The following AGBL1 variants were observed in gnomAD, a reference collection of about 807,000 sequenced individuals.
AGBL1 encodes AGBL carboxypeptidase 1.
AGBL1 carries 130 observed loss-of-function variants against 118.9 expected under a neutral mutation model. That is an observed-to-expected ratio of 1.09 (90% confidence interval 0.95 to 1.26). The LOEUF (loss-of-function observed/expected upper bound fraction) is 1.26, where lower values mean the gene tolerates loss of function less well. Among genes scored for constraint, AGBL1 ranks in the 50% most tolerant of loss-of-function variants. AGBL1 has a pLI of 0.00. For missense variants in AGBL1, 1,584 were observed against 1,298.1 expected, an observed-to-expected ratio of 1.22 and a Z score of -3.38; for synonymous variants, 555 against 478.9, an observed-to-expected ratio of 1.16 and a Z score of -2.08.
At chr15:86,492,463 A>C (rs2082793833) in intron 18 of AGBL1, among the ~76,000 whole-genome samples, 1 of 151,880 alleles carries the variant, frequency 6.6e-6, no homozygotes, top group South Asian at 2.1e-4. Context: ...GGTGATGTGC[A>C]TCTGTAATCC....
intron 18 of AGBL1, among the ~76,000 whole-genome samples, chr15:86,479,030 A>C (rs966162286): frequency 2.0e-5 from 3 of 152,238 alleles, no homozygotes; most frequent in African/African-American, 7.2e-5. Context: ...GGCTAGCCAC[A>C]TGTAGAAAGC....
intron 16 of AGBL1, among the ~76,000 whole-genome samples, chr15:86,292,873 C>A (rs771391423): frequency 6.6e-6 from 1 of 151,992 alleles, no homozygotes; most frequent in Non-Finnish European, 1.5e-5. Flanking sequence ...TTCTGTCTTC[C>A]CAGAGCAGTA....
chr15:86,775,312 TG>T (rs1472296100), intron 22 of AGBL1, among the ~76,000 whole-genome samples: 1 of 152,138 alleles, frequency 6.6e-6, no homozygotes, highest in Admixed American at 6.6e-5. Flanking sequence ...TGAGAAACCC[TG>T]GGACACTATG....
At chr15:86,503,534 T>C (rs979190314) in intron 18 of AGBL1, among the ~76,000 whole-genome samples, 1 of 151,258 alleles carries the variant, frequency 6.6e-6, no homozygotes, top group Non-Finnish European at 1.5e-5. Context: ...GATTTGTGAT[T>C]GTTATGTTTT....
chr15:86,717,576 C>T lies in AGBL1; in HGVS notation c.3158+43140C>T, dbSNP rs555404952. 7.9e-5 allele frequency among the ~76,000 whole-genome samples: 12 copies of T among 152,292 alleles called. No homozygotes were observed. The South Asian group carries it at 2.3e-3, about 29-fold the overall frequency. On this transcript the variant is annotated intron_variant, in intron 22 of 22. Transcript: ENST00000614907. ...TTGCAGACATTTCCCAGAACCTTCACATTTCACTGATTGGCCAGTTGCCCT... is the reference window on the plus strand; with the variant it reads ...TTGCAGACATTTCCCAGAACCTTCATATTTCACTGATTGGCCAGTTGCCCT...
intron 6 of AGBL1, among the ~76,000 whole-genome samples, chr15:86,240,383 C>T (rs2078622364): frequency 6.6e-6 from 1 of 152,114 alleles, no homozygotes; most frequent in African/African-American, 2.4e-5. Context: ...CTGAAAAGAC[C>T]CCTAAGATAA....
chr15:86,638,345 C>A (rs2085134414), intron 21 of AGBL1, among the ~76,000 whole-genome samples: 1 of 152,156 alleles, frequency 6.6e-6, no homozygotes, highest in African/African-American at 2.4e-5. Flanking sequence ...GGATCTGGCT[C>A]TTTGTAATGA....
intron 23 of AGBL1, among the ~76,000 whole-genome samples, chr15:86,953,977 GA>G (rs2080905314): frequency 6.6e-6 from 1 of 151,962 alleles, no homozygotes; most frequent in African/African-American, 2.4e-5. Flanking sequence ...ACAAACATTT[GA>G]AAAAATGCTC....
chr15:86,139,556 C>G (rs532109060), intron 1 of AGBL1, among the ~76,000 whole-genome samples: 2 of 151,764 alleles, frequency 1.3e-5, no homozygotes, highest in Non-Finnish European at 2.9e-5. Context: ...GGCAGGAGAT[C>G]GAGATCATCC....
At chr15:86,174,334 A>C (rs1179393052) in intron 5 of AGBL1, among the ~76,000 whole-genome samples, 1 of 152,078 alleles carries the variant, frequency 6.6e-6, no homozygotes, top group African/African-American at 2.4e-5. Flanking sequence ...ATCAGTTCTA[A>C]GAGTTTTTTT....
chr15:86,634,212 G>T (rs2085038262), intron 21 of AGBL1, among the ~76,000 whole-genome samples: 1 of 152,106 alleles, frequency 6.6e-6, no homozygotes, highest in African/African-American at 2.4e-5. Context: ...CCATGGCTGG[G>T]TGTATATGCA....
At chr15:86,725,783 T>C (rs1567142311) in intron 22 of AGBL1, among the ~76,000 whole-genome samples, 1 of 152,216 alleles carries the variant, frequency 6.6e-6, no homozygotes, top group African/African-American at 2.4e-5. Context: ...CATATGTGTG[T>C]TATCATTCTG....
intron 22 of AGBL1, among the ~76,000 whole-genome samples, chr15:86,795,507 C>G (rs192151413): frequency 1.3e-3 from 190 of 151,834 alleles, no homozygotes; most frequent in African/African-American, 4.4e-3. Context: ...GAGTTCAACT[C>G]TCCTATCTAA....
At chr15:86,122,769 C>G (rs1898162802) in intron 1 of AGBL1, among the ~76,000 whole-genome samples, 1 of 152,110 alleles carries the variant, frequency 6.6e-6, no homozygotes, top group Non-Finnish European at 1.5e-5. Flanking sequence ...AAGAGCCTTC[C>G]AAAGTTAATC....
chr15:86,570,068 G>A (rs2083981069), intron 21 of AGBL1, among the ~76,000 whole-genome samples: 1 of 152,144 alleles, frequency 6.6e-6, no homozygotes, highest in Non-Finnish European at 1.5e-5. Context: ...TTGTCGTGTA[G>A]GGAAAAAGGA....
chr15:86,230,595 A>T (rs185174757), intron 6 of AGBL1, among the ~76,000 whole-genome samples: 23 of 152,304 alleles, frequency 1.5e-4, no homozygotes, highest in Non-Finnish European at 3.1e-4. Flanking sequence ...TTGCCCACAG[A>T]GTGTATTTCT....
intron 17 of AGBL1, among the ~76,000 whole-genome samples, chr15:86,338,512 G>T (rs985168182): frequency 4.1e-5 from 4 of 98,062 alleles, no homozygotes; most frequent in Non-Finnish European, 8.5e-5. Flanking sequence ...TGTTATGAGG[G>T]CACTGTGAAG....
intron 21 of AGBL1, among the ~76,000 whole-genome samples, chr15:86,649,154 C>T (rs959924185): frequency 1.3e-5 from 2 of 151,976 alleles, no homozygotes; most frequent in African/African-American, 4.8e-5. Context: ...CTGATGCATA[C>T]CTGAAAGAAT....
At chr15:86,148,713 A>T (rs1597458439) in intron 3 of AGBL1, among the ~76,000 whole-genome samples, 1 of 152,214 alleles carries the variant, frequency 6.6e-6, no homozygotes, top group Admixed American at 6.5e-5. Context: ...TCAGGATATT[A>T]TCCAGGAGAA....
Sources: allele counts gnomAD v4.1 joint callset (sites outside exome capture counted in the v4.1 genomes callset), GRCh38; gene constraint gnomAD v4.1.1; transcripts MANE v1.5; gene names NCBI Gene and HGNC (gene_info 2026-07-23, HGNC 2026-07-21).